FDCSP: variants seen among roughly 807,000 people sequenced by gnomAD.
FDCSP encodes the protein follicular dendritic cell secreted protein.
FDCSP carries 8 observed loss-of-function variants against 8.9 expected under a neutral mutation model. The observed-to-expected ratio is 0.90, with a 90% CI of 0.53 to 1.63. The LOEUF (loss-of-function observed/expected upper bound fraction) is 1.63, where lower values mean the gene tolerates loss of function less well. Ranked by LOEUF, FDCSP falls within the 40% of genes most tolerant of loss-of-function variation. The probability of loss-of-function intolerance (pLI) is 0.00; values close to 1 mark genes in which losing one functional copy is unlikely to be tolerated. For synonymous variants in FDCSP, 34 were observed against 34.5 expected, an observed-to-expected ratio of 0.98 and a Z score of 0.06; for missense variants, 101 against 103.6, an observed-to-expected ratio of 0.98 and a Z score of 0.11.
intron 2 of FDCSP, 125 bp downstream of exon 2, chr4:70,231,376 G>A: frequency 2.9e-6 from 2 of 690,482 alleles, no homozygotes; most frequent in Non-Finnish European, 4.7e-6. Context: ...CAAGTGCAGT[G>A]GCTTACGCCT....
chr4:70,234,090 C>G lies in FDCSP; in HGVS notation c.161C>G (p.Pro54Arg), dbSNP rs766530927. 1 of 1,611,414 alleles carries G rather than the reference C, an allele frequency of 6.2e-7. No homozygotes were observed. The highest frequency in any genetic ancestry group is 8.5e-7 in the Non-Finnish European group (1 of 1,178,296). The change falls in exon 4 of 5, where the codon CCA becomes CGA. Residue 54 changes from proline to arginine, a missense_variant. Physicochemically the swap from Pro to Arg is moderately radical, Grantham distance 103. Coordinates refer to ENST00000317987, the MANE Select transcript of FDCSP (RefSeq NM_152997.4). ...FPYPYPFRPL[P>R]PIPFPRFPWF... ...TACCCATATCCATTTCGCCCACTTC[C>G]ACCAATTCCATTTCCAAGATTTCCA...
intron 1 of FDCSP, among the ~76,000 whole-genome samples, chr4:70,229,370 A>T (rs1315603810): frequency 6.6e-6 from 1 of 151,796 alleles, no homozygotes; most frequent in African/African-American, 2.4e-5. Context: ...CCATGTTGGG[A>T]ATAAGACTCT....
chr4:70,231,133 T>A (rs1730076087), intron 1 of FDCSP, 62 bp from the exon 2 acceptor site: 2 of 1,359,154 alleles, frequency 1.5e-6, no homozygotes, highest in Non-Finnish European at 2.1e-6. Context: ...TTTAGCTGAC[T>A]TCTAGGATAT....
chr4:70,226,803 A>C (rs893948030), intron 1 of FDCSP, among the ~76,000 whole-genome samples: 18 of 151,202 alleles, frequency 1.2e-4, no homozygotes, highest in Non-Finnish European at 1.5e-5. Context: ...TGATAAGTAT[A>C]AAAATAAAAG....
chr4:70,230,648 T>C (rs1730064650), intron 1 of FDCSP, among the ~76,000 whole-genome samples: 1 of 151,702 alleles, frequency 6.6e-6, no homozygotes, highest in African/African-American at 2.4e-5. Context: ...AGATCCTTCT[T>C]CACATCGTGG....
intron 1 of FDCSP, among the ~76,000 whole-genome samples, chr4:70,227,782 A>T (rs1730012466): frequency 6.6e-6 from 1 of 151,808 alleles, no homozygotes; most frequent in Non-Finnish European, 1.5e-5. Flanking sequence ...CATAAAAGTT[A>T]TGATTACACT....
chr4:70,229,100 T>TA (rs1188651977), intron 1 of FDCSP, among the ~76,000 whole-genome samples: 1 of 151,790 alleles, frequency 6.6e-6, no homozygotes, highest in Non-Finnish European at 1.5e-5. Context: ...TCGTCCACAA[T>TA]AAAAATCTAT....
chr4:70,228,344 CAT>C (rs1288699140), intron 1 of FDCSP, among the ~76,000 whole-genome samples: 2 of 151,836 alleles, frequency 1.3e-5, no homozygotes, highest in African/African-American at 4.8e-5. Flanking sequence ...AATTAAGTCA[CAT>C]GTTCAAGCTT....
chr4:70,227,057 CT>C (rs532313232), intron 1 of FDCSP, among the ~76,000 whole-genome samples: 1 of 151,708 alleles, frequency 6.6e-6, no homozygotes, highest in African/African-American at 2.4e-5. Flanking sequence ...ATATATCACG[CT>C]TTTTTTTCAC....
rs201207274 is a variant in FDCSP at position 70,233,048 on chromosome 4, T to A, written c.90+22T>A. 1,221 of 1,583,688 alleles carry A rather than the reference T, an allele frequency of 7.7e-4. 1 individual carries two copies. Among genetic ancestry groups the A allele is most frequent in the Non-Finnish European group, 9.8e-4 (1,143 of 1,162,596 alleles). On this transcript the variant is annotated intron_variant, in intron 3 of 4. Transcript: ENST00000317987. ...AAGTGTAAGTTACCTTTTCTCTTTTTTACATGTAAGTTTTACACGTGAAAT... is the reference window on the plus strand; with the variant it reads ...AAGTGTAAGTTACCTTTTCTCTTTTATACATGTAAGTTTTACACGTGAAAT...
rs1048722361 is a variant in FDCSP at position 70,226,139 on chromosome 4, C to A, written c.-44C>A. On this transcript the variant is annotated 5_prime_UTR_variant, in exon 1 of 5. Transcript: ENST00000317987. The stretch of plus-strand genomic sequence containing the variant: ...TTCCAGGGCCAGTCACTTGCCATTT[C>A]TCATAACAGCGTCAGAGAGAAAGAA... The A allele has an allele frequency of 6.6e-6, 1 of 151,848 alleles. No individual in the cohort carries two copies. Among genetic ancestry groups the A allele is most frequent in the Non-Finnish European group, 1.5e-5 (1 of 67,924 alleles). The allele number at this position is 151,848 out of a possible 1,614,324, so 9.4% of individuals were successfully genotyped here.
At chr4:70,227,281 T>C (rs1029096663) in intron 1 of FDCSP, among the ~76,000 whole-genome samples, 2 of 151,786 alleles carry the variant, frequency 1.3e-5, no homozygotes, top group Admixed American at 1.3e-4. Flanking sequence ...ACATTAACAA[T>C]CTGCCTGTAG....
chr4:70,228,093 A>G (rs909785296), intron 1 of FDCSP, among the ~76,000 whole-genome samples: 1 of 151,838 alleles, frequency 6.6e-6, no homozygotes, highest in Non-Finnish European at 1.5e-5. Flanking sequence ...ATGTTGTAGC[A>G]TTTTGGAGCA....
At chr4:70,232,972 A>G (rs1460022613) in intron 2 of FDCSP, 22 bp from the exon 3 acceptor site, 1 of 1,581,996 alleles carries the variant, frequency 6.3e-7, no homozygotes, top group East Asian at 2.3e-5. Flanking sequence ...GAGTTTAATT[A>G]ATTTCACTAT....
At chr4:70,234,365 G>T in intron 4 of FDCSP, 150 bp downstream of exon 4, 1 of 622,418 alleles carries the variant, frequency 1.6e-6, no homozygotes, top group East Asian at 2.8e-5. Context: ...ATACTGTCAC[G>T]TGTGTCCACT....
At chr4:70,228,456 T>A (rs1053844368) in intron 1 of FDCSP, among the ~76,000 whole-genome samples, 1 of 151,874 alleles carries the variant, frequency 6.6e-6, no homozygotes, top group African/African-American at 2.4e-5. Context: ...AGAGTTGGAA[T>A]CAACTTCTCC....
intron 3 of FDCSP, 48 bp downstream of exon 3, chr4:70,233,074 A>G (rs371705525): frequency 1.4e-6 from 2 of 1,440,148 alleles, no homozygotes; most frequent in African/African-American, 1.4e-5. Flanking sequence ...CACGTGAAAT[A>G]TTCATAACTA....
chr4:70,231,226 T>C lies in FDCSP; in HGVS notation c.32T>C (p.Ile11Thr). ...AAAGTTCTCCTCCTGATCACAGCCA[T>C]CTTGGCAGTGGCTGTTGGTTTCCCA... is the stretch of plus-strand genomic sequence containing the variant. Reference protein sequence around the residue: MKKVLLLITAILAVAVGFPVS... With the variant: MKKVLLLITATLAVAVGFPVS... The change falls in exon 2 of 5, where the codon ATC becomes ACC. Residue 11 changes from isoleucine (I) to threonine (T), a missense_variant. Ile to Thr is a moderately conservative substitution (Grantham distance 89, BLOSUM62 -1). Coordinates refer to ENST00000317987, the MANE Select transcript of FDCSP (RefSeq NM_152997.4). The C allele has an allele frequency of 6.2e-7, 1 of 1,602,704 alleles. No homozygotes were observed. Among genetic ancestry groups the C allele is most frequent in the Non-Finnish European group, 8.5e-7 (1 of 1,173,952 alleles).
At chr4:70,232,069 A>G (rs1358983848) in intron 2 of FDCSP, among the ~76,000 whole-genome samples, 1 of 151,784 alleles carries the variant, frequency 6.6e-6, no homozygotes, top group Non-Finnish European at 1.5e-5. Context: ...GAGTTAAAGT[A>G]AAATAGTTAT....
Sources: gnomAD v4.1 joint callset for allele counts (sites outside exome capture counted in the v4.1 genomes callset) on GRCh38, gnomAD v4.1.1 for gene constraint, MANE v1.5 for transcripts, NCBI Gene and HGNC (gene_info 2026-07-23, HGNC 2026-07-21) for gene names.